INPP4B: variants seen among roughly 807,000 people sequenced by gnomAD.
INPP4B encodes the protein inositol polyphosphate 4-phosphatase type II.
A neutral mutation model predicts 122.5 loss-of-function variants in INPP4B; 55 were observed. The observed-to-expected ratio is 0.45, with a 90% CI of 0.36 to 0.56. The LOEUF is 0.56. Among genes scored for constraint, INPP4B ranks in the 20% least tolerant of loss-of-function variants. INPP4B has a pLI of 0.00. For missense variants in INPP4B, 1,000 were observed against 1,097.7 expected (o/e 0.91, Z 1.26); for synonymous variants, 403 against 388.7 (o/e 1.04, Z -0.43).
intron 7 of INPP4B, among the ~76,000 whole-genome samples, chr4:142,393,554 C>T (rs1798401391): frequency 6.6e-6 from 1 of 152,212 alleles, no homozygotes; most frequent in Non-Finnish European, 1.5e-5. Context: ...TGGTCAATCT[C>T]TCAAAATTGA....
chr4:142,826,590 T>G (rs1379476158), intron 1 of INPP4B, among the ~76,000 whole-genome samples: 1 of 152,048 alleles, frequency 6.6e-6, no homozygotes, highest in African/African-American at 2.4e-5. Context: ...AATTTAAAAT[T>G]TTACAATATC....
intron 2 of INPP4B, among the ~76,000 whole-genome samples, chr4:142,518,449 A>T (rs1825684636): frequency 6.6e-6 from 1 of 152,156 alleles, no homozygotes; most frequent in Non-Finnish European, 1.5e-5. Context: ...TATAATTAAG[A>T]TACAGCAGTT....
In INPP4B at chr4:142,152,066, C is replaced by CTTTTTTTTTTTTTTTTTTTTT. The variant is rs572092121; in HGVS notation, c.1564-6091_1564-6071dup. Among the ~76,000 whole-genome samples, 15 of 69,920 alleles carry CTTTTTTTTTTTTTTTTTTTTT rather than the reference C, an allele frequency of 2.1e-4. 2 individuals are homozygous for CTTTTTTTTTTTTTTTTTTTTT. Among genetic ancestry groups the CTTTTTTTTTTTTTTTTTTTTT allele is most frequent in the African/African-American group, 8.4e-4 (15 of 17,964 alleles). The allele number at this position is 69,920 out of a possible 152,430, so 45.9% of individuals were successfully genotyped here. ...TGCCTAACATGCTTTTTTGTCTTTT[C>CTTTTTTTTTTTTTTTTTTTTT]TTTTTTTTTTTTTTTTTTTTTTTTT... is the stretch of plus-strand genomic sequence containing the variant. On this transcript the variant is annotated intron_variant, in intron 17 of 25. Coordinates refer to ENST00000262992, the MANE Select transcript of INPP4B (RefSeq NM_001101669.3).
chr4:142,081,910 T>C (rs1774082854), intron 25 of INPP4B, 121 bp downstream of exon 25: 1 of 602,978 alleles, frequency 1.7e-6, no homozygotes, highest in Non-Finnish European at 2.7e-6. Flanking sequence ...CTATAAGCCA[T>C]GAAAATGCAG....
At chr4:142,738,255 T>G (rs1445929441) in intron 1 of INPP4B, among the ~76,000 whole-genome samples, 1 of 152,168 alleles carries the variant, frequency 6.6e-6, no homozygotes, top group African/African-American at 2.4e-5. Context: ...GTGGCACATA[T>G]ACACCATGGA....
intron 2 of INPP4B, among the ~76,000 whole-genome samples, chr4:142,671,865 T>C (rs1350710799): frequency 6.6e-6 from 1 of 152,180 alleles, no homozygotes; most frequent in Non-Finnish European, 1.5e-5. Flanking sequence ...TAAATCAAGA[T>C]ATAGAACAAT....
At chr4:142,694,091 G>A (rs1313751933) in intron 2 of INPP4B, among the ~76,000 whole-genome samples, 1 of 152,122 alleles carries the variant, frequency 6.6e-6, no homozygotes, top group Non-Finnish European at 1.5e-5. Context: ...AAAGAAAGCT[G>A]ACTGGGCATG....
At chr4:142,238,611 C>G (rs1259610254) in intron 11 of INPP4B, among the ~76,000 whole-genome samples, 1 of 152,030 alleles carries the variant, frequency 6.6e-6, no homozygotes, top group East Asian at 1.9e-4. Context: ...ACCAAGCATA[C>G]TTTAGTGCCA....
chr4:142,135,760 T>C lies in INPP4B; in HGVS notation c.1720+10080A>G, dbSNP rs1387198281. The stretch of plus-strand genomic sequence containing the variant: ...TCCTTCAGTGGTGTTGCTCCAGACC[T>C]GTCAGGGTGTTTTTTGTTTGTTTGT... On this transcript the variant is annotated intron_variant, in intron 18 of 25. Transcript: ENST00000262992. 2.0e-5 allele frequency among the ~76,000 whole-genome samples: 3 copies of C among 151,438 alleles called. 1 individual carries two copies. Among genetic ancestry groups the C allele is most frequent in the Non-Finnish European group, 4.4e-5 (3 of 67,738 alleles).
chr4:142,215,986 C>G (rs903953984), intron 12 of INPP4B, among the ~76,000 whole-genome samples: 6 of 140,986 alleles, frequency 4.3e-5, no homozygotes, highest in Non-Finnish European at 9.1e-5. Context: ...CATTACAAAG[C>G]CTTTGGCATG....
chr4:142,219,896 A>T (rs777787071), intron 12 of INPP4B, among the ~76,000 whole-genome samples: 6 of 152,150 alleles, frequency 3.9e-5, no homozygotes, highest in Non-Finnish European at 5.9e-5. Context: ...CATAGAAAAG[A>T]TCCCTTCCTT....
chr4:142,285,883 C>G (rs1402869197), intron 9 of INPP4B, among the ~76,000 whole-genome samples: 1 of 152,126 alleles, frequency 6.6e-6, no homozygotes, highest in Non-Finnish European at 1.5e-5. Flanking sequence ...CAAGGGCAGA[C>G]AGGGCAACAT....
intron 17 of INPP4B, among the ~76,000 whole-genome samples, chr4:142,150,303 T>C (rs1405167644): frequency 6.6e-6 from 1 of 152,202 alleles, no homozygotes; most frequent in Non-Finnish European, 1.5e-5. Flanking sequence ...TATGTGGTGC[T>C]TCCAGCCCCT....
At chr4:142,481,370 T>A (rs1239529781) in intron 2 of INPP4B, among the ~76,000 whole-genome samples, 2 of 152,006 alleles carry the variant, frequency 1.3e-5, no homozygotes, top group Non-Finnish European at 2.9e-5. Context: ...CATAGGGTCC[T>A]AACTACACTA....
chr4:142,267,900 T>C (rs910968850), intron 10 of INPP4B, among the ~76,000 whole-genome samples: 1 of 151,924 alleles, frequency 6.6e-6, no homozygotes, highest in African/African-American at 2.4e-5. Context: ...TAAAAAACAC[T>C]CGCAAAAGAA....
chr4:142,374,463 G>A (rs2148753250), intron 7 of INPP4B, among the ~76,000 whole-genome samples: 1 of 151,988 alleles, frequency 6.6e-6, no homozygotes, highest in Non-Finnish European at 1.5e-5. Flanking sequence ...GGAGAAGTGG[G>A]AGAGAGCTTT....
chr4:142,670,541 C>G (rs1756846571), intron 2 of INPP4B, among the ~76,000 whole-genome samples: 1 of 151,776 alleles, frequency 6.6e-6, no homozygotes, highest in Non-Finnish European at 1.5e-5. Context: ...TGAAATAAGT[C>G]AGGCACAAAA....
At chr4:142,478,934 A>G (rs1422139669) in intron 2 of INPP4B, among the ~76,000 whole-genome samples, 1 of 152,212 alleles carries the variant, frequency 6.6e-6, no homozygotes. Context: ...GAAGACAACA[A>G]AAGCAATTGC....
chr4:142,841,621 T>C (rs1012762468), intron 1 of INPP4B, among the ~76,000 whole-genome samples: 1 of 151,914 alleles, frequency 6.6e-6, no homozygotes, highest in Non-Finnish European at 1.5e-5. Flanking sequence ...TTGTAAATCA[T>C]TGTTGCTTAA....
Sources: allele counts gnomAD v4.1 joint callset (sites outside exome capture counted in the v4.1 genomes callset), GRCh38; gene constraint gnomAD v4.1.1; transcripts MANE v1.5; gene names NCBI Gene and HGNC (gene_info 2026-07-23, HGNC 2026-07-21).